Variants in PGCKA1 observed in about 807,000 individuals in gnomAD.
PGCKA1 encodes PDCD10 and GCKIII kinases associated 1.
At chr4:37,580,364 T>C in the PGCKA1 span, among the ~76,000 whole-genome samples, 3 of 148,582 alleles carry the variant, frequency 2.0e-5, no homozygotes, top group Non-Finnish European at 4.4e-5. Context: ...TGTCTGGGCA[T>C]TGAACAATTA....
the PGCKA1 span, among the ~76,000 whole-genome samples, chr4:37,522,979 T>C: frequency 0.39 from 58,826 of 151,848 alleles, 12,119 homozygotes; most frequent in African/African-American, 0.52. Context: ...ACTCCCTTAG[T>C]CACCCCAGCG....
the PGCKA1 span, among the ~76,000 whole-genome samples, chr4:37,551,142 T>C: frequency 6.6e-6 from 1 of 152,108 alleles, no homozygotes; most frequent in South Asian, 2.1e-4. Context: ...CCCAGTGGGT[T>C]ATACTGGATA....
the PGCKA1 span, among the ~76,000 whole-genome samples, chr4:37,498,805 G>A: frequency 6.6e-6 from 1 of 152,016 alleles, no homozygotes; most frequent in African/African-American, 2.4e-5. Context: ...TTCCTATTTG[G>A]ATACTCTTTA....
the PGCKA1 span, among the ~76,000 whole-genome samples, chr4:37,582,428 G>A: frequency 1.4e-4 from 21 of 152,194 alleles, no homozygotes; most frequent in African/African-American, 4.8e-4. Flanking sequence ...AATTTAATAC[G>A]ATTACCTAAT....
the PGCKA1 span, chr4:37,590,945 C>A: frequency 6.2e-7 from 1 of 1,613,988 alleles, no homozygotes; most frequent in Non-Finnish European, 8.5e-7. Flanking sequence ...GTGGCGGAGG[C>A]CCTTGCAGCT....
At chr4:37,580,157 T>C in the PGCKA1 span, among the ~76,000 whole-genome samples, 1 of 152,196 alleles carries the variant, frequency 6.6e-6, no homozygotes, top group Admixed American at 6.5e-5. Flanking sequence ...ATTTATCTGA[T>C]AGAATTTTGA....
the PGCKA1 span, among the ~76,000 whole-genome samples, chr4:37,557,393 A>C: frequency 6.6e-6 from 1 of 152,234 alleles, no homozygotes; most frequent in South Asian, 2.1e-4. Context: ...TGCTATAAGA[A>C]AATACCAGAA....
At chr4:37,488,481 A>G in the PGCKA1 span, among the ~76,000 whole-genome samples, 3 of 152,214 alleles carry the variant, frequency 2.0e-5, no homozygotes, top group Non-Finnish European at 2.9e-5. Context: ...GGATATTGGA[A>G]CACTGCTAAC....
chr4:37,526,549 A>G, the PGCKA1 span, among the ~76,000 whole-genome samples: 1 of 152,246 alleles, frequency 6.6e-6, no homozygotes, highest in African/African-American at 2.4e-5. Flanking sequence ...AGTATGAACC[A>G]TAATAAACAA....
chr4:37,570,776 C>T, the PGCKA1 span, among the ~76,000 whole-genome samples: 4 of 152,366 alleles, frequency 2.6e-5, no homozygotes, highest in East Asian at 7.7e-4. Context: ...AACCACCTCC[C>T]AGCAGCCACT....
the PGCKA1 span, among the ~76,000 whole-genome samples, chr4:37,564,865 AAC>A: frequency 1.3e-5 from 2 of 152,092 alleles, no homozygotes; most frequent in African/African-American, 2.4e-5. Flanking sequence ...GCTTGTTAGA[AAC>A]ACAGGCTGTC....
chr4:37,561,700 C>T, the PGCKA1 span, among the ~76,000 whole-genome samples: 1 of 152,198 alleles, frequency 6.6e-6, no homozygotes, highest in African/African-American at 2.4e-5. Flanking sequence ...TATAAAGTCA[C>T]TTCAAACAAG....
chr4:37,478,492 T>C, the PGCKA1 span, among the ~76,000 whole-genome samples: 1 of 152,326 alleles, frequency 6.6e-6, no homozygotes, highest in African/African-American at 2.4e-5. Context: ...AAACAGAGGT[T>C]GGCCCTTAAA....
chr4:37,573,827 TCTC>T, the PGCKA1 span, among the ~76,000 whole-genome samples: 1 of 152,186 alleles, frequency 6.6e-6, no homozygotes, highest in Non-Finnish European at 1.5e-5. Context: ...GCTTTCAACA[TCTC>T]CTACCAGTAG....
chr4:37,502,794 C>G, the PGCKA1 span, among the ~76,000 whole-genome samples: 14 of 152,022 alleles, frequency 9.2e-5, no homozygotes, highest in Non-Finnish European at 1.6e-4. Context: ...AGCTCTCTAC[C>G]AGTCAGGCAT....
chr4:37,518,740 T>C, the PGCKA1 span, among the ~76,000 whole-genome samples: 1 of 152,222 alleles, frequency 6.6e-6, no homozygotes, highest in African/African-American at 2.4e-5. Flanking sequence ...ACTTTGTTCG[T>C]TGTTTCCTTT....
the PGCKA1 span, among the ~76,000 whole-genome samples, chr4:37,512,494 G>A: frequency 5.6e-5 from 8 of 144,014 alleles, no homozygotes; most frequent in South Asian, 6.5e-4. Context: ...TCACTCTGGT[G>A]TCGCCAGCCT....
chr4:37,550,085 A>T, the PGCKA1 span, among the ~76,000 whole-genome samples: 4 of 152,278 alleles, frequency 2.6e-5, no homozygotes, highest in Admixed American at 6.5e-5. Context: ...CTCCAAAAGG[A>T]ACCTGTTTGT....
At chr4:37,522,647 T>A in the PGCKA1 span, among the ~76,000 whole-genome samples, 1 of 151,974 alleles carries the variant, frequency 6.6e-6, no homozygotes, top group East Asian at 1.9e-4. Flanking sequence ...TATCTGGGTA[T>A]CACTACTGAT....
Sources: gnomAD v4.1 joint callset for allele counts (sites outside exome capture counted in the v4.1 genomes callset) on GRCh38, gnomAD v4.1.1 for gene constraint, MANE v1.5 for transcripts, NCBI Gene and HGNC (gene_info 2026-07-23, HGNC 2026-07-21) for gene names.